IMPG1: variants seen among roughly 807,000 people sequenced by gnomAD.
IMPG1 encodes interphotoreceptor matrix proteoglycan of 150 kDa.
A neutral mutation model predicts 92.0 loss-of-function variants in IMPG1; 85 were observed. That is an observed-to-expected ratio of 0.92 (90% confidence interval 0.78 to 1.11). IMPG1 has a LOEUF of 1.11. IMPG1 is among the 50% of genes least tolerant of loss of function. The probability of loss-of-function intolerance (pLI) is 0.00; values close to 1 mark genes in which losing one functional copy is unlikely to be tolerated. For missense variants in IMPG1, 1,022 were observed against 956.0 expected (o/e 1.07, Z -0.91); for synonymous variants, 367 against 334.1 (o/e 1.10, Z -1.08).
At chr6:76,047,490 T>C (rs1280541896) in intron 1 of IMPG1, among the ~76,000 whole-genome samples, 2 of 152,226 alleles carry the variant, frequency 1.3e-5, no homozygotes, top group African/African-American at 4.8e-5. Flanking sequence ...ACAAATGCCA[T>C]GAAACTTGTG....
intron 15 of IMPG1, among the ~76,000 whole-genome samples, chr6:75,927,429 A>C (rs1781574961): frequency 6.6e-6 from 1 of 152,132 alleles, no homozygotes; most frequent in South Asian, 2.1e-4. Flanking sequence ...TTATATAAAT[A>C]AATTTCATCA....
chr6:76,042,832 T>C (rs1168932816), intron 1 of IMPG1, among the ~76,000 whole-genome samples: 1 of 152,198 alleles, frequency 6.6e-6, no homozygotes, highest in African/African-American at 2.4e-5. Flanking sequence ...TCTATTAGGG[T>C]TAGGTCTAGA....
At chr6:75,959,407 T>G (rs1159244341) in intron 12 of IMPG1, among the ~76,000 whole-genome samples, 2 of 152,226 alleles carry the variant, frequency 1.3e-5, no homozygotes, top group Non-Finnish European at 2.9e-5. Context: ...TACTGGGAGA[T>G]CTGCTGCTCT....
intron 14 of IMPG1, among the ~76,000 whole-genome samples, chr6:75,937,059 C>T (rs1328092591): frequency 6.6e-6 from 1 of 152,026 alleles, no homozygotes; most frequent in Non-Finnish European, 1.5e-5. Context: ...GCTGCGTGTC[C>T]CAGGAGGCAA....
At chr6:75,958,253 T>C (rs1782160952) in intron 12 of IMPG1, among the ~76,000 whole-genome samples, 1 of 152,216 alleles carries the variant, frequency 6.6e-6, no homozygotes, top group South Asian at 2.1e-4. Flanking sequence ...TGCAGAGACC[T>C]GCTGTTAATC....
intron 4 of IMPG1, among the ~76,000 whole-genome samples, chr6:76,030,555 G>A (rs1207985955): frequency 2.0e-5 from 3 of 152,098 alleles, no homozygotes; most frequent in Non-Finnish European, 2.9e-5. Flanking sequence ...ACTGGAAAGA[G>A]TTAATTTCCC....
intron 12 of IMPG1, among the ~76,000 whole-genome samples, chr6:75,984,853 C>T (rs1215512071): frequency 6.6e-6 from 1 of 152,246 alleles, no homozygotes; most frequent in Middle Eastern, 3.4e-3. Context: ...TTCCCCTACC[C>T]TTGCTCCCAC....
chr6:75,976,885 C>G (rs893488362), intron 12 of IMPG1, among the ~76,000 whole-genome samples: 1 of 150,446 alleles, frequency 6.6e-6, no homozygotes, highest in African/African-American at 2.4e-5. Flanking sequence ...GCACTCCAGT[C>G]TGGCAGACAG....
At chr6:75,924,742 A>ATAATATAATT (rs1562335434) in intron 15 of IMPG1, among the ~76,000 whole-genome samples, 2 of 59,100 alleles carry the variant, frequency 3.4e-5, no homozygotes, top group Non-Finnish European at 5.8e-5. Context: ...TATAATATAT[A>ATAATATAATT]ATATATAATA....
At chr6:76,018,315 C>T (rs1783330593) in intron 7 of IMPG1, among the ~76,000 whole-genome samples, 1 of 152,218 alleles carries the variant, frequency 6.6e-6, no homozygotes. Context: ...TGGTCTCTCT[C>T]TCTCAATATA....
At chr6:76,023,998 G>C (rs1783479912) in intron 5 of IMPG1, among the ~76,000 whole-genome samples, 1 of 152,080 alleles carries the variant, frequency 6.6e-6, no homozygotes, top group Non-Finnish European at 1.5e-5. Flanking sequence ...AATAAGACTT[G>C]ATATTAGGTG....
At chr6:76,038,913 C>T (rs1783788341) in intron 2 of IMPG1, among the ~76,000 whole-genome samples, 1 of 152,226 alleles carries the variant, frequency 6.6e-6, no homozygotes, top group Admixed American at 6.5e-5. Context: ...CAGTTATTCG[C>T]AATTAGTATT....
intron 14 of IMPG1, among the ~76,000 whole-genome samples, chr6:75,942,727 G>T (rs1180943911): frequency 6.6e-6 from 1 of 152,092 alleles, no homozygotes; most frequent in African/African-American, 2.4e-5. Flanking sequence ...TCAGCCAATC[G>T]CACTGAAAAA....
In IMPG1 at chr6:75,937,646, G is replaced by T. The variant is rs1024259960; in HGVS notation, c.2045-6495C>A. On this transcript the variant is annotated intron_variant, in intron 14 of 16. Coordinates refer to ENST00000369950, the MANE Select transcript of IMPG1 (RefSeq NM_001563.4). ...ATTTGTGTCAATAGTAACTATTATTGACATTAGTTAATAGTAACTATTATT... is the reference window on the plus strand; with the variant it reads ...ATTTGTGTCAATAGTAACTATTATTTACATTAGTTAATAGTAACTATTATT... Among the ~76,000 whole-genome samples the T allele has an allele frequency of 2.0e-5, 3 of 152,090 alleles. No individual in the cohort carries two copies. In the South Asian group the frequency reaches 6.2e-4, roughly 32 times the overall value.
intron 15 of IMPG1, among the ~76,000 whole-genome samples, chr6:75,924,405 TATATAATTATATATAATATATAATTA>T (rs1255413220): frequency 1.7e-5 from 2 of 116,664 alleles, no homozygotes; most frequent in South Asian, 2.3e-4. Context: ...TAAAAAATTA[TATATAATTATATATAATATATAATTA>T]ATATAATTAT....
chr6:76,018,706 G>A lies in IMPG1; in HGVS notation c.807+12C>T, dbSNP rs755753917. 2.7e-5 allele frequency: 43 copies of A among 1,611,130 alleles called. No individual in the cohort carries two copies. The highest frequency in any genetic ancestry group is 2.0e-4 in the South Asian group (18 of 90,594). On this transcript the variant is annotated intron_variant, in intron 7 of 16. Transcript: ENST00000369950. ...AGCTTGAGGTGTGGTTGTATGGGCC[G>A]GGTCTACTCACCTGAAGTTGGGACT...
rs1582102559 is a variant in IMPG1 at position 76,011,063 on chromosome 6, C to T, written c.866+103G>A. On this transcript the variant is annotated intron_variant, in intron 8 of 16. Transcript: ENST00000369950. ...GTTTCCAGGATTTGGCAGAGCTAAACAACTGGGGAAAAAGGACCTTATAAT... is the reference window on the plus strand; with the variant it reads ...GTTTCCAGGATTTGGCAGAGCTAAATAACTGGGGAAAAAGGACCTTATAAT... 4 of 640,068 alleles carry T rather than the reference C, an allele frequency of 6.2e-6. No homozygotes were observed. The East Asian group carries it at 1.1e-4, about 18-fold the overall frequency. The allele number at this position is 640,068 out of a possible 1,614,324, so 39.6% of individuals were successfully genotyped here. A position where few individuals can be genotyped will look rare whatever the true frequency, so the allele number is the denominator to read the frequency against.
chr6:75,936,250 T>C (rs1482538022), intron 14 of IMPG1, among the ~76,000 whole-genome samples: 1 of 152,254 alleles, frequency 6.6e-6, no homozygotes, highest in Non-Finnish European at 1.5e-5. Context: ...AACTCAAACA[T>C]ACGTCTCCCA....
At chr6:76,067,580 T>A (rs1784332053) in intron 1 of IMPG1, among the ~76,000 whole-genome samples, 1 of 152,066 alleles carries the variant, frequency 6.6e-6, no homozygotes, top group Non-Finnish European at 1.5e-5. Flanking sequence ...CAGGACCAGG[T>A]AGATTTACAG....
Sources: gnomAD v4.1 joint callset for allele counts (sites outside exome capture counted in the v4.1 genomes callset) on GRCh38, gnomAD v4.1.1 for gene constraint, MANE v1.5 for transcripts, NCBI Gene and HGNC (gene_info 2026-07-23, HGNC 2026-07-21) for gene names.